Variants in NAALADL2 observed in about 807,000 individuals in gnomAD.
NAALADL2 encodes the protein N-acetylated alpha-linked acidic dipeptidase like 2.
In NAALADL2, 76 loss-of-function variants were observed where a neutral mutation model predicts 87.2. That is an observed-to-expected ratio of 0.87 (90% CI 0.72 to 1.05). The LOEUF (loss-of-function observed/expected upper bound fraction) is 1.05. NAALADL2 is among the 50% of genes least tolerant of loss of function. The pLI is 0.00. For missense variants in NAALADL2, 1,089 were observed against 945.8 expected (o/e 1.15, Z -1.99); for synonymous variants, 354 against 331.0 (o/e 1.07, Z -0.75).
chr3:174,826,969 AG>A (rs2109352432), intron 3 of NAALADL2, among the ~76,000 whole-genome samples: 1 of 152,326 alleles, frequency 6.6e-6, no homozygotes, highest in African/African-American at 2.4e-5. Context: ...AATTAATAAA[AG>A]CACTCTTATT....
At position 175,807,955 on chromosome 3, in the gene NAALADL2, GAT is replaced by G. The variant is rs1754856007; in HGVS notation, c.*4754_*4755del. ...AAGCGTAGCAAAAGAAATGTATAAA[GAT>G]AGCCTTTTCTGGTCATTACCATGTC... On this transcript the variant is annotated 3_prime_UTR_variant, in exon 14 of 14. Transcript: ENST00000454872. 2.6e-5 allele frequency: 4 copies of G among 152,038 alleles called. No homozygotes were observed. In the South Asian group the frequency reaches 8.3e-4, roughly 32 times the overall value. 9.4% of individuals were successfully genotyped at this position (152,038 alleles called of 1,614,324 possible).
At chr3:175,003,084 G>A (rs1181729356) in intron 1 of NAALADL2, among the ~76,000 whole-genome samples, 3 of 152,196 alleles carry the variant, frequency 2.0e-5, no homozygotes, top group African/African-American at 7.2e-5. Flanking sequence ...GATGATATCT[G>A]CAAGACTTTT....
intron 2 of NAALADL2, among the ~76,000 whole-genome samples, chr3:174,686,572 A>G (rs1230773794): frequency 2.0e-5 from 3 of 151,992 alleles, no homozygotes; most frequent in Non-Finnish European, 4.4e-5. Context: ...CCAAAACAGC[A>G]TGGTATTGGT....
Position 175,677,284 on chromosome 3 carries a change from A to G in NAALADL2, c.1896+49898A>G, listed in dbSNP as rs34499807. ...AAGCTGAAGCAGAAGAATTGCTTGA[A>G]CCCAGGAGGTGGAGGTTGCAGTGAG... On this transcript the variant is annotated intron_variant, in intron 11 of 13. Coordinates refer to ENST00000454872, the MANE Select transcript of NAALADL2 (RefSeq NM_207015.3). 5.9e-3 allele frequency among the ~76,000 whole-genome samples: 900 copies of G among 152,036 alleles called. 5 individuals carry two copies. The highest frequency in any genetic ancestry group is 0.018 in the South Asian group (87 of 4,810).
intron 7 of NAALADL2, among the ~76,000 whole-genome samples, chr3:175,466,642 G>A (rs1724069372): frequency 6.6e-6 from 1 of 152,036 alleles, no homozygotes; most frequent in Non-Finnish European, 1.5e-5. Context: ...TGCATACATT[G>A]TTTACAGGGC....
At chr3:174,527,858 G>C (rs548064444) in intron 1 of NAALADL2, among the ~76,000 whole-genome samples, 1 of 152,062 alleles carries the variant, frequency 6.6e-6, no homozygotes, top group Admixed American at 6.6e-5. Context: ...TTGCTATTTC[G>C]TATTGGAAAG....
chr3:174,839,791 G>A (rs986815193), intron 3 of NAALADL2, among the ~76,000 whole-genome samples: 4 of 151,636 alleles, frequency 2.6e-5, no homozygotes, highest in Non-Finnish European at 5.9e-5. Flanking sequence ...CAGAACCACA[G>A]TGTGATACCA....
At chr3:175,592,938 T>C (rs1286211609) in intron 10 of NAALADL2, among the ~76,000 whole-genome samples, 3 of 152,084 alleles carry the variant, frequency 2.0e-5, no homozygotes, top group Admixed American at 2.0e-4. Flanking sequence ...TTATGTCCCC[T>C]CTCCTCTTAA....
rs777215231 is a variant in NAALADL2, at chr3:174,645,019, CCTT to C, written c.-114-92618_-114-92616del. Among the ~76,000 whole-genome samples the C allele has an allele frequency of 3.3e-5, 5 of 152,156 alleles. 1 individual carries two copies. The highest frequency in any genetic ancestry group is 4.8e-5 in the African/African-American group (2 of 41,428). On this transcript the variant is annotated intron_variant, in intron 2 of 3. Coordinates refer to the NAALADL2 transcript ENST00000434257. ...GCAAGGTAGTGAAAGGATGAGAACA[CCTT>C]CTTTCTTACTTTGCCAGATTCACAG...
At chr3:174,882,947 TA>T (rs1161658493) in intron 1 of NAALADL2, among the ~76,000 whole-genome samples, 1 of 151,652 alleles carries the variant, frequency 6.6e-6, no homozygotes, top group Non-Finnish European at 1.5e-5. Context: ...GGCAGATTAT[TA>T]AGCATTAACT....
intron 3 of NAALADL2, among the ~76,000 whole-genome samples, chr3:174,765,682 G>A (rs769594849): frequency 6.6e-6 from 1 of 152,130 alleles, no homozygotes; most frequent in Non-Finnish European, 1.5e-5. Flanking sequence ...TTTGAATACA[G>A]GATTTAGGGC....
At chr3:174,744,778 T>G (rs1172577401) in intron 3 of NAALADL2, among the ~76,000 whole-genome samples, 1 of 152,128 alleles carries the variant, frequency 6.6e-6, no homozygotes. Flanking sequence ...AATTTAGAAG[T>G]CAAGATTAAG....
chr3:175,384,750 T>TTTTA, intron 5 of NAALADL2, among the ~76,000 whole-genome samples: 1 of 151,174 alleles, frequency 6.6e-6, no homozygotes, highest in South Asian at 2.1e-4. Context: ...CCAATTTTTG[T>TTTTA]TTTATTTATT....
intron 1 of NAALADL2, among the ~76,000 whole-genome samples, chr3:174,893,265 C>T (rs956665230): frequency 6.6e-6 from 1 of 151,848 alleles, no homozygotes; most frequent in East Asian, 1.9e-4. Flanking sequence ...AGGATTTCAT[C>T]AATACCAGAC....
At chr3:175,344,968 G>A (rs573756393) in intron 5 of NAALADL2, among the ~76,000 whole-genome samples, 5 of 152,022 alleles carry the variant, frequency 3.3e-5, no homozygotes, top group Non-Finnish European at 7.4e-5. Flanking sequence ...AACATGTTAA[G>A]TAGGTATGTT....
chr3:174,573,005 G>C (rs1715109177), intron 2 of NAALADL2, among the ~76,000 whole-genome samples: 1 of 152,122 alleles, frequency 6.6e-6, no homozygotes, highest in South Asian at 2.1e-4. Flanking sequence ...GCAGAAGCAG[G>C]ATTCAAATTC....
intron 2 of NAALADL2, among the ~76,000 whole-genome samples, chr3:175,203,522 G>T (rs1740380257): frequency 6.6e-6 from 1 of 152,118 alleles, no homozygotes; most frequent in East Asian, 1.9e-4. Flanking sequence ...GGAGCCGTCT[G>T]CTTCCTTCAG....
At chr3:174,963,409 C>T (rs531645184) in intron 1 of NAALADL2, among the ~76,000 whole-genome samples, 60 of 152,114 alleles carry the variant, frequency 3.9e-4, no homozygotes, top group Middle Eastern at 3.4e-3. Flanking sequence ...AATGTTTTAT[C>T]AAGACAGGAA....
intron 10 of NAALADL2, among the ~76,000 whole-genome samples, chr3:175,603,432 G>A (rs912605396): frequency 6.6e-6 from 1 of 151,968 alleles, no homozygotes; most frequent in Non-Finnish European, 1.5e-5. Context: ...ATTTCATCTT[G>A]CAAAACTGAA....
Sources: allele counts gnomAD v4.1 joint callset (sites outside exome capture counted in the v4.1 genomes callset), GRCh38; gene constraint gnomAD v4.1.1; transcripts MANE v1.5; gene names NCBI Gene and HGNC (gene_info 2026-07-23, HGNC 2026-07-21).